The following ALK variants were observed in gnomAD, a reference collection of about 807,000 sequenced individuals.
ALK encodes the protein ALK receptor tyrosine kinase.
ALK carries 74 observed loss-of-function variants against 163.1 expected under a neutral mutation model. The ratio of observed to expected loss-of-function variants is 0.45; its 90% CI spans 0.38 to 0.55. The LOEUF (loss-of-function observed/expected upper bound fraction) is 0.55, where lower values mean the gene tolerates loss of function less well. Ranked by LOEUF, ALK falls within the 20% of genes least tolerant of loss-of-function variation. The pLI is 0.00. For missense variants in ALK, 2,063 were observed against 2,105.3 expected (o/e 0.98, Z 0.39); for synonymous variants, 960 against 843.2 (o/e 1.14, Z -2.40).
rs921918445 is a variant in ALK at position 29,898,650 on chromosome 2, C to T, written c.667+21343G>A. Among the ~76,000 whole-genome samples, 4 of 152,178 alleles carry T rather than the reference C, an allele frequency of 2.6e-5. No individual in the cohort carries two copies. The East Asian group carries it at 5.8e-4, about 22-fold the overall frequency. ...CATCAAGCTCCCTGATGGCTGAGCT[C>T]GGGCAGCTCAGCTTCCACTGAAAGA... On this transcript the variant is annotated intron_variant, in intron 1 of 28. Coordinates refer to ENST00000389048, the MANE Select transcript of ALK (RefSeq NM_004304.5).
intron 1 of ALK, among the ~76,000 whole-genome samples, chr2:29,739,481 C>T (rs1679990717): frequency 6.6e-6 from 1 of 151,174 alleles, no homozygotes; most frequent in South Asian, 2.1e-4. Context: ...TTGCTTGAGC[C>T]CGGGAGGCAG....
intron 5 of ALK, among the ~76,000 whole-genome samples, chr2:29,354,214 T>G (rs1158704465): frequency 1.3e-5 from 2 of 152,220 alleles, no homozygotes; most frequent in Non-Finnish European, 2.9e-5. Context: ...TGTGGCTGTT[T>G]CCTGTCCTGA....
intron 4 of ALK, among the ~76,000 whole-genome samples, chr2:29,451,746 G>A (rs1002795502): frequency 5.3e-5 from 8 of 152,066 alleles, no homozygotes; most frequent in Non-Finnish European, 7.4e-5. Context: ...TTGCATATTT[G>A]TCTCCTAAAC....
chr2:29,201,588 A>G (rs763790964), intron 26 of ALK, among the ~76,000 whole-genome samples: 4 of 152,038 alleles, frequency 2.6e-5, no homozygotes, highest in Non-Finnish European at 5.9e-5. Flanking sequence ...GGAGTTCGAG[A>G]CCAGCCTGGC....
At chr2:29,354,447 G>A (rs1668193329) in intron 5 of ALK, among the ~76,000 whole-genome samples, 1 of 152,176 alleles carries the variant, frequency 6.6e-6, no homozygotes, top group Admixed American at 6.5e-5. Flanking sequence ...GAATGATCCT[G>A]GGGTGGATCT....
At chr2:29,662,699 T>C (rs538959619) in intron 3 of ALK, among the ~76,000 whole-genome samples, 1 of 147,228 alleles carries the variant, frequency 6.8e-6, no homozygotes, top group South Asian at 2.2e-4. Context: ...CTTTTCCTTC[T>C]CTTCTTTCCA....
At chr2:29,680,266 T>A (rs1018970429) in intron 3 of ALK, among the ~76,000 whole-genome samples, 4 of 152,030 alleles carry the variant, frequency 2.6e-5, no homozygotes, top group African/African-American at 9.7e-5. Context: ...TTCAAAAAAA[T>A]TTTGCCCCCC....
At chr2:29,520,654 T>C (rs1399322073) in intron 4 of ALK, among the ~76,000 whole-genome samples, 2 of 152,068 alleles carry the variant, frequency 1.3e-5, no homozygotes, top group Non-Finnish European at 2.9e-5. Flanking sequence ...AGAAGACCTA[T>C]TGTTCTTGAT....
intron 9 of ALK, among the ~76,000 whole-genome samples, chr2:29,289,131 A>T (rs1665949395): frequency 6.6e-6 from 1 of 152,148 alleles, no homozygotes; most frequent in Admixed American, 6.5e-5. Flanking sequence ...ACTTATAATG[A>T]TGAAGATAAA....
intron 3 of ALK, among the ~76,000 whole-genome samples, chr2:29,594,905 G>C (rs930443796): frequency 3.1e-5 from 3 of 96,566 alleles, no homozygotes; most frequent in African/African-American, 1.2e-4. Flanking sequence ...GGGGGGTGGG[G>C]GGCGGGGGGC....
In ALK at chr2:29,513,344, G is replaced by A. The variant is rs1368103319; in HGVS notation, c.1154+18571C>T. Among the ~76,000 whole-genome samples the A allele has an allele frequency of 1.3e-4, 19 of 144,254 alleles. No individual in the cohort carries two copies. In the East Asian group the frequency reaches 1.4e-3, roughly 11 times the overall value. The allele number at this position is 144,254 out of a possible 152,430, so 94.6% of individuals were successfully genotyped here. A position where few individuals can be genotyped will look rare whatever the true frequency, so the allele number is the denominator to read the frequency against. On this transcript the variant is annotated intron_variant, in intron 4 of 28. Transcript: ENST00000389048. ...GAACAGAGCCCTCAGAAATAATGCC[G>A]CATATCTACAACTATCTGATCTTTG... is the stretch of plus-strand genomic sequence containing the variant.
At chr2:29,640,634 TTAG>T (rs1374826872) in intron 3 of ALK, among the ~76,000 whole-genome samples, 2 of 152,214 alleles carry the variant, frequency 1.3e-5, no homozygotes, top group Non-Finnish European at 1.5e-5. Flanking sequence ...TTATCCAGTC[TTAG>T]GTATTTCTTT....
chr2:29,883,751 G>A (rs540267779), intron 1 of ALK, among the ~76,000 whole-genome samples: 10 of 152,188 alleles, frequency 6.6e-5, no homozygotes, highest in South Asian at 2.1e-4. Context: ...AGTTTGGACC[G>A]CACGGGTCCA....
chr2:29,777,030 C>T (rs575720263), intron 1 of ALK, among the ~76,000 whole-genome samples: 6 of 152,134 alleles, frequency 3.9e-5, no homozygotes, highest in South Asian at 2.1e-4. Flanking sequence ...GCCATGGAGT[C>T]GGGATTTTCC....
chr2:29,616,449 G>A (rs1675849287), intron 3 of ALK, among the ~76,000 whole-genome samples: 1 of 152,226 alleles, frequency 6.6e-6, no homozygotes, highest in South Asian at 2.1e-4. Flanking sequence ...GTGGCAAGAG[G>A]AAGGAAGATT....
chr2:29,371,778 C>T (rs1668643494), intron 5 of ALK, among the ~76,000 whole-genome samples: 1 of 152,166 alleles, frequency 6.6e-6, no homozygotes, highest in Admixed American at 6.5e-5. Context: ...CTGCCAATGG[C>T]TTGCACTGAG....
intron 3 of ALK, among the ~76,000 whole-genome samples, chr2:29,550,318 G>T (rs1470058178): frequency 6.6e-6 from 1 of 152,172 alleles, no homozygotes; most frequent in Non-Finnish European, 1.5e-5. Context: ...TGTAGACTGA[G>T]GGGCCCAGAG....
At position 29,919,874 on chromosome 2, in the gene ALK, G is replaced by A. The variant is rs114330016; in HGVS notation, c.667+119C>T. The A allele has an allele frequency of 3.1e-3, 3,823 of 1,251,976 alleles. 71 individuals carry two copies. The African/African-American group carries it at 0.048, about 16-fold the overall frequency. The allele number at this position is 1,251,976 out of a possible 1,614,324, so 77.6% of individuals were successfully genotyped here. A position where few individuals can be genotyped will look rare whatever the true frequency, so the allele number is the denominator to read the frequency against. The stretch of plus-strand genomic sequence containing the variant: ...GAAGGAGGTTTGCGGGAGGAAGGAG[G>A]GCGATGAAGCAGAGCTGAGGTTTTA... On this transcript the variant is annotated intron_variant, in intron 1 of 28. Coordinates refer to ENST00000389048, the MANE Select transcript of ALK (RefSeq NM_004304.5).
chr2:29,582,860 C>CTTTT (rs11406173), intron 3 of ALK, among the ~76,000 whole-genome samples: 2 of 137,788 alleles, frequency 1.5e-5, no homozygotes, highest in African/African-American at 2.7e-5. Context: ...CCCAGCACTC[C>CTTTT]TTTTTTTTTT....
Sources: allele counts gnomAD v4.1 joint callset (sites outside exome capture counted in the v4.1 genomes callset), GRCh38; gene constraint gnomAD v4.1.1; transcripts MANE v1.5; gene names NCBI Gene and HGNC (gene_info 2026-07-23, HGNC 2026-07-21).